Variants in CHRM3 observed in about 807,000 individuals in gnomAD.
CHRM3 encodes cholinergic receptor muscarinic 3.
In CHRM3, 11 loss-of-function variants were observed where a neutral mutation model predicts 41.8. The ratio of observed to expected loss-of-function variants is 0.26; its 90% CI spans 0.17 to 0.44. CHRM3 has a LOEUF of 0.44. Among genes scored for constraint, CHRM3 ranks in the 20% least tolerant of loss-of-function variants. CHRM3 has a pLI of 1.00. For synonymous variants in CHRM3, 297 were observed against 301.4 expected (o/e 0.99, Z 0.15); for missense variants, 571 against 745.4 (o/e 0.77, Z 2.72).
chr1:239,871,028 G>A (rs923132706), intron 6 of CHRM3, among the ~76,000 whole-genome samples: 2 of 152,126 alleles, frequency 1.3e-5, no homozygotes, highest in African/African-American at 4.8e-5. Context: ...CAGTGTCCTC[G>A]CTTTGAGACG....
chr1:239,747,966 G>A (rs1465308379), intron 5 of CHRM3, among the ~76,000 whole-genome samples: 1 of 152,176 alleles, frequency 6.6e-6, no homozygotes, highest in Non-Finnish European at 1.5e-5. Context: ...GAACCCCAGA[G>A]GCAGAAGTTG....
chr1:239,596,294 G>T (rs1664764975), intron 3 of CHRM3, among the ~76,000 whole-genome samples: 1 of 152,104 alleles, frequency 6.6e-6, no homozygotes, highest in Non-Finnish European at 1.5e-5. Context: ...GTGTTTTGAA[G>T]TAAATTTGAA....
At chr1:239,693,448 T>A (rs1659898080) in intron 5 of CHRM3, among the ~76,000 whole-genome samples, 1 of 152,072 alleles carries the variant, frequency 6.6e-6, no homozygotes, top group Non-Finnish European at 1.5e-5. Flanking sequence ...AGAAACCAAA[T>A]TGGCTGAAAT....
At chr1:239,812,809 C>A (rs1266551661) in intron 5 of CHRM3, among the ~76,000 whole-genome samples, 2 of 152,186 alleles carry the variant, frequency 1.3e-5, no homozygotes, top group Non-Finnish European at 2.9e-5. Flanking sequence ...TTTTAATCTA[C>A]TGATGAGGCA....
intron 6 of CHRM3, among the ~76,000 whole-genome samples, chr1:239,872,499 C>T (rs185801668): frequency 1.7e-4 from 26 of 152,210 alleles, no homozygotes; most frequent in African/African-American, 5.8e-4. Flanking sequence ...GGCCCCAACC[C>T]GAAATCAGCA....
At chr1:239,834,509 C>T (rs1036115511) in intron 6 of CHRM3, among the ~76,000 whole-genome samples, 9 of 151,990 alleles carry the variant, frequency 5.9e-5, no homozygotes, top group Admixed American at 2.0e-4. Flanking sequence ...AAATACCCAG[C>T]CACTAAGCAA....
At chr1:239,801,666 A>G (rs949293513) in intron 5 of CHRM3, among the ~76,000 whole-genome samples, 2 of 152,342 alleles carry the variant, frequency 1.3e-5, no homozygotes, top group African/African-American at 4.8e-5. Context: ...AATGATATCT[A>G]TAATCAGCTG....
At chr1:239,789,345 G>A (rs1669159811) in intron 5 of CHRM3, among the ~76,000 whole-genome samples, 1 of 152,146 alleles carries the variant, frequency 6.6e-6, no homozygotes, top group East Asian at 1.9e-4. Context: ...CAATAAATAA[G>A]CAATATGAAA....
In CHRM3 at chr1:239,871,803, T is replaced by C. The variant is rs11800194; in HGVS notation, c.-19-35630T>C. Among the ~76,000 whole-genome samples the C allele has an allele frequency of 4.7e-3, 718 of 152,298 alleles. 5 individuals carry two copies. The highest frequency in any genetic ancestry group is 0.016 in the African/African-American group (677 of 41,548). On this transcript the variant is annotated intron_variant, in intron 6 of 6. Transcript: ENST00000676153. ...CTGATAAAAATCTCTTAACCTGGGATAGTTTCTCCTTTCCTCGTAAGGAAA... is the reference window on the plus strand; with the variant it reads ...CTGATAAAAATCTCTTAACCTGGGACAGTTTCTCCTTTCCTCGTAAGGAAA...
chr1:239,689,437 A>G (rs1659493623), intron 5 of CHRM3, among the ~76,000 whole-genome samples: 1 of 152,186 alleles, frequency 6.6e-6, no homozygotes, highest in Admixed American at 6.5e-5. Flanking sequence ...ATGAATAAAA[A>G]TATAAATTTC....
At chr1:239,581,084 T>C (rs1662857247) in intron 3 of CHRM3, among the ~76,000 whole-genome samples, 1 of 151,972 alleles carries the variant, frequency 6.6e-6, no homozygotes, top group Non-Finnish European at 1.5e-5. Context: ...TTCATTTTAA[T>C]TTAGGATTTC....
At position 239,908,670 on chromosome 1, in the gene CHRM3, A is replaced by G; in HGVS notation, c.1219A>G (p.Lys407Glu). Residue 407 changes from lysine to glutamate, a missense_variant, in exon 7 of 7, where the codon AAG becomes GAG. Coordinates refer to ENST00000676153, the MANE Select transcript of CHRM3 (RefSeq NM_001375978.1). This position sits in a 1 kb window ranked among gnomAD's most constrained non-coding sequence, Gnocchi z 7.2. ...GMVDLERKAD[K>E]LQAQKSVDDG... is the part of the protein sequence containing the mutation. Reference sequence around the variant, plus strand: ...GGTGGACTTGGAGAGGAAAGCCGACAAGCTGCAGGCCCAGAAGAGCGTGGA... The same window carrying G: ...GGTGGACTTGGAGAGGAAAGCCGACGAGCTGCAGGCCCAGAAGAGCGTGGA... 1 of 1,613,050 alleles carries G rather than the reference A, an allele frequency of 6.2e-7. No individual in the cohort carries two copies. The highest frequency in any genetic ancestry group is 8.5e-7 in the Non-Finnish European group (1 of 1,179,546).
intron 5 of CHRM3, chr1:239,719,005 A>C (rs1443861409): frequency 6.6e-6 from 1 of 152,040 alleles, no homozygotes; most frequent in Admixed American, 6.6e-5. Flanking sequence ...GGAAGATGCA[A>C]GATGCTAGAC....
intron 3 of CHRM3, among the ~76,000 whole-genome samples, chr1:239,627,857 T>A (rs1458796041): frequency 6.6e-6 from 1 of 151,364 alleles, no homozygotes; most frequent in Non-Finnish European, 1.5e-5. Context: ...TTGTAAGGTT[T>A]CTGCCGAGAG....
At chr1:239,417,681 A>G (rs1190896644) in intron 1 of CHRM3, among the ~76,000 whole-genome samples, 1 of 151,524 alleles carries the variant, frequency 6.6e-6, no homozygotes, top group Non-Finnish European at 1.5e-5. Flanking sequence ...CTATTTAAAG[A>G]CATCTCTTTC....
chr1:239,410,827 C>T (rs771240468), intron 1 of CHRM3, among the ~76,000 whole-genome samples: 5 of 152,138 alleles, frequency 3.3e-5, no homozygotes, highest in Admixed American at 1.3e-4. Context: ...AGTTTCCAAG[C>T]GGTTGAAAAG....
chr1:239,499,139 T>C (rs1042974499), intron 2 of CHRM3, among the ~76,000 whole-genome samples: 1 of 152,126 alleles, frequency 6.6e-6, no homozygotes, highest in Non-Finnish European at 1.5e-5. Flanking sequence ...AAATAAAGGG[T>C]GAATTTCTTC....
intron 6 of CHRM3, among the ~76,000 whole-genome samples, chr1:239,874,710 T>A (rs932186433): frequency 1.8e-4 from 28 of 151,746 alleles, no homozygotes; most frequent in Non-Finnish European, 4.1e-4. Flanking sequence ...TTTTTTTTTT[T>A]ATTTTGCGAT....
chr1:239,598,213 T>A (rs1384883264), intron 3 of CHRM3, among the ~76,000 whole-genome samples: 2 of 152,028 alleles, frequency 1.3e-5, no homozygotes, highest in Non-Finnish European at 2.9e-5. Context: ...AGGTTGTTAT[T>A]GTTCTCCTAT....
Sources: allele counts gnomAD v4.1 joint callset (sites outside exome capture counted in the v4.1 genomes callset), GRCh38; gene constraint gnomAD v4.1.1; non-coding constraint Gnocchi (gnomAD v3.1); transcripts MANE v1.5; gene names NCBI Gene and HGNC (gene_info 2026-07-23, HGNC 2026-07-21).